Variants in PARVA observed in about 807,000 individuals in gnomAD.
PARVA encodes the protein alpha-parvin.
In PARVA, 25 loss-of-function variants were observed where a neutral mutation model predicts 52.6. The observed-to-expected ratio is 0.48, with a 90% CI of 0.35 to 0.66. The LOEUF (loss-of-function observed/expected upper bound fraction) is 0.66, where lower values mean the gene tolerates loss of function less well. Among genes scored for constraint, PARVA ranks in the 30% least tolerant of loss-of-function variants. The pLI is 0.01. For synonymous variants in PARVA, 185 were observed against 179.1 expected, an observed-to-expected ratio of 1.03 and a Z score of -0.26; for missense variants, 373 against 450.9, an observed-to-expected ratio of 0.83 and a Z score of 1.56.
chr11:12,381,179 G>C (rs1939480552), intron 1 of PARVA, among the ~76,000 whole-genome samples: 2 of 152,176 alleles, frequency 1.3e-5, no homozygotes, highest in African/African-American at 2.4e-5. Context: ...AGTATGTGCT[G>C]GATCTCAATG....
chr11:12,457,859 G>T (rs1179734377), intron 1 of PARVA, among the ~76,000 whole-genome samples: 5 of 152,200 alleles, frequency 3.3e-5, no homozygotes, highest in African/African-American at 7.2e-5. Flanking sequence ...CCACAAAAGG[G>T]TCTGGCACTG....
At chr11:12,437,000 A>G (rs930464993) in intron 1 of PARVA, among the ~76,000 whole-genome samples, 1 of 152,224 alleles carries the variant, frequency 6.6e-6, no homozygotes, top group Non-Finnish European at 1.5e-5. Context: ...TTAAGTGCCC[A>G]GTTCAATGTG....
intron 3 of PARVA, among the ~76,000 whole-genome samples, chr11:12,474,579 C>G (rs963852131): frequency 4.6e-5 from 7 of 152,078 alleles, no homozygotes; most frequent in Non-Finnish European, 7.4e-5. Context: ...TGAGTGTCAT[C>G]CCAGCACTCT....
chr11:12,428,992 G>T (rs573919144), intron 1 of PARVA, among the ~76,000 whole-genome samples: 4 of 152,176 alleles, frequency 2.6e-5, no homozygotes, highest in Admixed American at 6.5e-5. Flanking sequence ...TGTTTGTTTT[G>T]TTTGAGACAC....
chr11:12,415,089 A>G (rs1940046168), intron 1 of PARVA, among the ~76,000 whole-genome samples: 1 of 152,064 alleles, frequency 6.6e-6, no homozygotes, highest in African/African-American at 2.4e-5. Flanking sequence ...TGATGAAGTG[A>G]TGTGTTAACA....
At chr11:12,401,644 A>G (rs1030256496) in intron 1 of PARVA, among the ~76,000 whole-genome samples, 5 of 152,244 alleles carry the variant, frequency 3.3e-5, no homozygotes, top group African/African-American at 1.2e-4. Flanking sequence ...TCCCTACTTT[A>G]GAAAGGGCTG....
In PARVA at chr11:12,470,090, G is replaced by A. The variant is rs112186698; in HGVS notation, c.137-3655G>A. 3.3e-5 allele frequency among the ~76,000 whole-genome samples: 5 copies of A among 152,334 alleles called. 1 individual carries two copies. Among genetic ancestry groups the A allele is most frequent in the Admixed American group, 6.5e-5 (1 of 15,302 alleles). ...CCCAGAAATGTGCGTGCATGCGTACGCACATGTGCGCACACACAGTCAGGC... is the reference window on the plus strand; with the variant it reads ...CCCAGAAATGTGCGTGCATGCGTACACACATGTGCGCACACACAGTCAGGC... On this transcript the variant is annotated intron_variant, in intron 1 of 12. Transcript: ENST00000334956.
At chr11:12,471,444 G>A (rs1473844494) in intron 1 of PARVA, among the ~76,000 whole-genome samples, 1 of 152,152 alleles carries the variant, frequency 6.6e-6, no homozygotes, top group Non-Finnish European at 1.5e-5. Context: ...CTGGGGGCTT[G>A]TTGTATGGAT....
intron 1 of PARVA, among the ~76,000 whole-genome samples, chr11:12,428,188 A>T (rs1247778537): frequency 6.6e-6 from 1 of 152,204 alleles, no homozygotes; most frequent in Non-Finnish European, 1.5e-5. Context: ...AGTTGGGCAA[A>T]TGTGGAGTCT....
At chr11:12,526,585 A>G (rs1941704196) in intron 12 of PARVA, among the ~76,000 whole-genome samples, 1 of 152,172 alleles carries the variant, frequency 6.6e-6, no homozygotes, top group African/African-American at 2.4e-5. Flanking sequence ...CAAAGAAAAA[A>G]GTAATGCCGG....
At chr11:12,490,528 A>G (rs113255701) in intron 4 of PARVA, among the ~76,000 whole-genome samples, 4,835 of 149,356 alleles carry the variant, frequency 0.032, 169 homozygotes, top group East Asian at 0.12. Flanking sequence ...AAAAAAAAAA[A>G]AGAGAGAGAG....
chr11:12,390,909 C>T (rs1050893529), intron 1 of PARVA, among the ~76,000 whole-genome samples: 1 of 152,030 alleles, frequency 6.6e-6, no homozygotes, highest in Non-Finnish European at 1.5e-5. Context: ...AAGCAGCTCT[C>T]AGGATACAGG....
intron 10 of PARVA, 117 bp from the exon 11 acceptor site, chr11:12,517,493 G>A (rs1941584043): frequency 2.7e-6 from 2 of 747,852 alleles, no homozygotes; most frequent in South Asian, 3.2e-5. Context: ...CCCCGAGCTA[G>A]CAGCCTGGCT....
At position 12,533,816 on chromosome 11, in the gene PARVA, G is replaced by GAGA. The variant is rs1242891754; in HGVS notation, c.*5893_*5894insAAG. Among the ~76,000 whole-genome samples, 4 of 151,998 alleles carry GAGA rather than the reference G, an allele frequency of 2.6e-5. No individual in the cohort carries two copies. The highest frequency in any genetic ancestry group is 9.7e-5 in the African/African-American group (4 of 41,352). ...TCATCACATTGAGTAGGCGGAGGAG[G>GAGA]AGGAGGAGGAGGAGGAGTAGGGGTT... On this transcript the variant is annotated 3_prime_UTR_variant, in exon 13 of 13. Coordinates refer to ENST00000334956, the MANE Select transcript of PARVA (RefSeq NM_018222.5).
At chr11:12,433,360 T>G (rs548971273) in intron 1 of PARVA, among the ~76,000 whole-genome samples, 1 of 152,360 alleles carries the variant, frequency 6.6e-6, no homozygotes, top group South Asian at 2.1e-4. Context: ...TCACTGGTTC[T>G]TCACTGGTAT....
rs1181934151 is a variant in PARVA at position 12,531,900 on chromosome 11, C to T, written c.*3975C>T. 6.6e-6 allele frequency among the ~76,000 whole-genome samples: 1 copy of T among 152,138 alleles called. No homozygotes were observed. The highest frequency in any genetic ancestry group is 2.4e-5 in the African/African-American group (1 of 41,432). On this transcript the variant is annotated 3_prime_UTR_variant, in exon 13 of 13. Transcript: ENST00000334956. Reference sequence around the variant, plus strand: ...CCTCCACACATCAGCTTCCCAAATACTTGCAGATTTGGGTCTTACCAAAAG... The same window carrying T: ...CCTCCACACATCAGCTTCCCAAATATTTGCAGATTTGGGTCTTACCAAAAG...
rs571973101 is a variant in PARVA at position 12,406,661 on chromosome 11, G to GTTTTTTTTTTTTT, written c.136+28893_136+28905dup. 4.2e-4 allele frequency among the ~76,000 whole-genome samples: 33 copies of GTTTTTTTTTTTTT among 77,792 alleles called. 3 individuals are homozygous for GTTTTTTTTTTTTT. The highest frequency in any genetic ancestry group is 1.2e-3 in the African/African-American group (23 of 18,484). 51.0% of individuals were successfully genotyped at this position (77,792 alleles called of 152,430 possible). ...ATTGTTAGCTATTTAGGTTGTATCTGTTTTTTTTTTTTTTTTTTTTTTTTT... is the reference window on the plus strand; with the variant it reads ...ATTGTTAGCTATTTAGGTTGTATCTGTTTTTTTTTTTTTTTTTTTTTTTTTTTTTTTTTTTTTT... On this transcript the variant is annotated intron_variant, in intron 1 of 12. Transcript: ENST00000334956.
upstream of PARVA, chr11:12,377,467 CGCGAGGGAGGGA>C (rs559877023): frequency 1.3e-3 from 1,785 of 1,403,698 alleles, 3 homozygotes; most frequent in South Asian, 4.3e-3. Context: ...CAGAGGGCGG[CGCGAGGGAGGGA>C]GCGAGGGAGG....
At chr11:12,426,279 C>CT (rs1037572872) in intron 1 of PARVA, among the ~76,000 whole-genome samples, 11 of 152,240 alleles carry the variant, frequency 7.2e-5, no homozygotes, top group African/African-American at 2.6e-4. Context: ...CCATGTGAAG[C>CT]TGGGTGAAGA....
Sources: allele counts gnomAD v4.1 joint callset (sites outside exome capture counted in the v4.1 genomes callset), GRCh38; gene constraint gnomAD v4.1.1; transcripts MANE v1.5; gene names NCBI Gene and HGNC (gene_info 2026-07-23, HGNC 2026-07-21).